The following SGIP1 variants were observed in gnomAD, a reference collection of about 807,000 sequenced individuals.
SGIP1 encodes the protein SH3GL interacting endocytic adaptor 1, also known as SH3-containing GRB2-like protein 3-interacting protein 1.
Under a neutral mutation model 107.5 loss-of-function variants are expected in SGIP1, and 38 were observed. The ratio of observed to expected loss-of-function variants is 0.35; its 90% CI spans 0.27 to 0.46. The LOEUF (loss-of-function observed/expected upper bound fraction) is 0.46, where lower values mean the gene tolerates loss of function less well. Ranked by LOEUF, SGIP1 falls within the 20% of genes least tolerant of loss-of-function variation. The probability of loss-of-function intolerance (pLI) is 1.00; values close to 1 mark genes in which losing one functional copy is unlikely to be tolerated. For synonymous variants in SGIP1, 365 were observed against 366.1 expected, an observed-to-expected ratio of 1.00 and a Z score of 0.03; for missense variants, 929 against 1,019.5, an observed-to-expected ratio of 0.91 and a Z score of 1.21.
intron 4 of SGIP1, among the ~76,000 whole-genome samples, chr1:66,637,705 T>C (rs1418970677): frequency 2.0e-5 from 3 of 151,626 alleles, no homozygotes; most frequent in Non-Finnish European, 4.4e-5. Flanking sequence ...ATTAGATATA[T>C]GTTGTCAGGA....
chr1:66,742,376 A>T lies in SGIP1; in HGVS notation c.2465-697A>T, dbSNP rs1306560859. On this transcript the variant is annotated intron_variant, in intron 24 of 24. Transcript: ENST00000371037. The stretch of plus-strand genomic sequence containing the variant: ...GATAAATCCTGGTTTTTTTATGTCT[A>T]TTGTACTGATGTAATTATTAATTAT... Among the ~76,000 whole-genome samples, 11 of 146,302 alleles carry T rather than the reference A, an allele frequency of 7.5e-5. No homozygotes were observed. In the Admixed American group the frequency reaches 7.7e-4, roughly 10 times the overall value.
At chr1:66,633,012 G>T in intron 2 of SGIP1, 58 bp from the exon 3 acceptor site, 1 of 1,101,110 alleles carries the variant, frequency 9.1e-7, no homozygotes, top group East Asian at 2.4e-5. Flanking sequence ...TTGTACTTTA[G>T]TCTATGTGGC....
intron 18 of SGIP1, among the ~76,000 whole-genome samples, chr1:66,714,302 T>C (rs978810150): frequency 6.6e-6 from 1 of 152,138 alleles, no homozygotes; most frequent in South Asian, 2.1e-4. Context: ...CCCAAGTCTA[T>C]ATGACTCTAG....
intron 21 of SGIP1, among the ~76,000 whole-genome samples, chr1:66,736,208 ATAAATATTTATACAAATATTTTAAAT>A (rs2094228212): frequency 2.7e-5 from 4 of 145,832 alleles, no homozygotes; most frequent in Non-Finnish European, 6.0e-5. Context: ...TATTTTAAAT[ATAAATATTTATACAAATATTTTAAAT>A]ATAAATATTT....
At chr1:66,630,802 G>A (rs113305878) in intron 2 of SGIP1, among the ~76,000 whole-genome samples, 10,905 of 57,468 alleles carry the variant, frequency 0.19, 1,130 homozygotes, top group East Asian at 0.55. Context: ...GCAAAACTCC[G>A]GAAAGAAAGA....
intron 13 of SGIP1, among the ~76,000 whole-genome samples, chr1:66,679,185 C>A (rs1260929318): frequency 1.3e-5 from 2 of 152,212 alleles, no homozygotes; most frequent in South Asian, 4.1e-4. Flanking sequence ...TCTTTCCCAA[C>A]TCAATCTGGA....
chr1:66,666,517 T>C (rs1322980774), intron 8 of SGIP1: 1 of 153,124 alleles, frequency 6.5e-6, no homozygotes, highest in Non-Finnish European at 1.5e-5. Context: ...AGAAAGTCAT[T>C]GGTAGCTTGA....
chr1:66,651,969 C>G (rs904301474), intron 7 of SGIP1, among the ~76,000 whole-genome samples: 1 of 152,104 alleles, frequency 6.6e-6, no homozygotes, highest in East Asian at 1.9e-4. Context: ...AATGCCCAGT[C>G]ATGATCAAAA....
chr1:66,665,529 T>A (rs1281607087), intron 8 of SGIP1, among the ~76,000 whole-genome samples: 1 of 152,174 alleles, frequency 6.6e-6, no homozygotes, highest in Non-Finnish European at 1.5e-5. Flanking sequence ...TAGTTATAGA[T>A]CCTTGAGGAA....
chr1:66,534,965 C>T (rs2053246551), intron 1 of SGIP1, among the ~76,000 whole-genome samples: 2 of 152,300 alleles, frequency 1.3e-5, no homozygotes, highest in African/African-American at 4.8e-5. Flanking sequence ...ATCCGGGCCT[C>T]TTGCCTCCTG....
At chr1:66,677,300 G>T (rs1228741569) in intron 13 of SGIP1, among the ~76,000 whole-genome samples, 1 of 152,166 alleles carries the variant, frequency 6.6e-6, no homozygotes, top group Non-Finnish European at 1.5e-5. Flanking sequence ...ACATAATAAA[G>T]CAAATTATTA....
At chr1:66,672,707 CTTA>C (rs1393383708) in intron 11 of SGIP1, among the ~76,000 whole-genome samples, 1 of 151,956 alleles carries the variant, frequency 6.6e-6, no homozygotes, top group Non-Finnish European at 1.5e-5. Context: ...GCGAGTTTAA[CTTA>C]TTATCCTCCT....
intron 2 of SGIP1, among the ~76,000 whole-genome samples, chr1:66,629,128 T>C (rs888927616): frequency 2.6e-4 from 39 of 152,226 alleles, no homozygotes; most frequent in African/African-American, 9.2e-4. Context: ...CATTGAAGCC[T>C]TGTTGATGCA....
chr1:66,651,270 T>C (rs2078695461), intron 7 of SGIP1, among the ~76,000 whole-genome samples: 1 of 152,172 alleles, frequency 6.6e-6, no homozygotes, highest in South Asian at 2.1e-4. Flanking sequence ...TCACATACAT[T>C]AATTCATTCA....
At chr1:66,681,594 T>C (rs1415623021) in intron 14 of SGIP1, among the ~76,000 whole-genome samples, 1 of 152,212 alleles carries the variant, frequency 6.6e-6, no homozygotes, top group South Asian at 2.1e-4. Flanking sequence ...AGCAGTATCA[T>C]GCACAGCACT....
At chr1:66,716,802 A>G (rs2093271696) in intron 18 of SGIP1, among the ~76,000 whole-genome samples, 1 of 152,184 alleles carries the variant, frequency 6.6e-6, no homozygotes, top group South Asian at 2.1e-4. Flanking sequence ...ATGACTATAA[A>G]GACAAATTTT....
intron 13 of SGIP1, among the ~76,000 whole-genome samples, chr1:66,679,061 A>C (rs551760399): frequency 3.3e-5 from 5 of 152,334 alleles, no homozygotes; most frequent in Non-Finnish European, 5.9e-5. Context: ...ATGATACTTG[A>C]TTTGGCTGTA....
At chr1:66,567,288 G>A (rs1053600431) in intron 1 of SGIP1, among the ~76,000 whole-genome samples, 1 of 151,948 alleles carries the variant, frequency 6.6e-6, no homozygotes, top group African/African-American at 2.4e-5. Context: ...TATGTTTGTT[G>A]GCTGCATAAA....
At chr1:66,740,940 G>A (rs566434648) in intron 23 of SGIP1, among the ~76,000 whole-genome samples, 13 of 151,686 alleles carry the variant, frequency 8.6e-5, no homozygotes, top group Non-Finnish European at 1.6e-4. Context: ...CTATCATTTA[G>A]GCCTCTTAAG....
Sources: allele counts gnomAD v4.1 joint callset (sites outside exome capture counted in the v4.1 genomes callset), GRCh38; gene constraint gnomAD v4.1.1; transcripts MANE v1.5; gene names NCBI Gene and HGNC (gene_info 2026-07-23, HGNC 2026-07-21).